The following GRK5 variants were observed in gnomAD, a reference collection of about 807,000 sequenced individuals.
The protein encoded by GRK5 is G protein-coupled receptor kinase 5.
A neutral mutation model predicts 78.4 loss-of-function variants in GRK5; 40 were observed. That is an observed-to-expected ratio of 0.51 (90% confidence interval 0.40 to 0.66). GRK5 has a LOEUF of 0.66. Ranked by LOEUF, GRK5 falls within the 30% of genes least tolerant of loss-of-function variation. The pLI, the probability that GRK5 is intolerant of heterozygous loss-of-function variation, is 0.00. For synonymous variants in GRK5, 289 were observed against 296.8 expected (o/e 0.97, Z 0.27); for missense variants, 598 against 759.9 (o/e 0.79, Z 2.50).
At chr10:119,416,345 G>A (rs757041859) in intron 4 of GRK5, among the ~76,000 whole-genome samples, 46 of 152,258 alleles carry the variant, frequency 3.0e-4, no homozygotes, top group Non-Finnish European at 4.3e-4. Context: ...TGATAACTCA[G>A]CCACTGATAG....
At chr10:119,318,105 A>G (rs1364130967) in intron 1 of GRK5, among the ~76,000 whole-genome samples, 1 of 151,930 alleles carries the variant, frequency 6.6e-6, no homozygotes, top group African/African-American at 2.4e-5. Flanking sequence ...CTTCCAACAA[A>G]TGCATGGAAC....
rs1261786344 is a variant in GRK5 at position 119,363,640 on chromosome 10, G to A, written c.149-17175G>A. Among the ~76,000 whole-genome samples the A allele has an allele frequency of 3.3e-5, 5 of 152,298 alleles. 1 individual carries two copies. The South Asian group carries it at 8.3e-4, about 25-fold the overall frequency. ...TTTCTGGCCTTACAATGTTGCCCTCGTTGACATGGGCCAAGATGGTGCCCA... is the reference window on the plus strand; with the variant it reads ...TTTCTGGCCTTACAATGTTGCCCTCATTGACATGGGCCAAGATGGTGCCCA... On this transcript the variant is annotated intron_variant, in intron 2 of 15. Coordinates refer to ENST00000392870, the MANE Select transcript of GRK5 (RefSeq NM_005308.3).
At chr10:119,296,336 T>A (rs906054570) in intron 1 of GRK5, among the ~76,000 whole-genome samples, 2 of 152,310 alleles carry the variant, frequency 1.3e-5, no homozygotes, top group African/African-American at 4.8e-5. Context: ...CCAGATCACA[T>A]AGCAAATGCC....
chr10:119,436,985 T>C, intron 9 of GRK5, 144 bp downstream of exon 9: 1 of 784,966 alleles, frequency 1.3e-6, no homozygotes, highest in East Asian at 2.9e-5. Flanking sequence ...AGACAGACTT[T>C]CCACTCCAGG....
intron 4 of GRK5, among the ~76,000 whole-genome samples, chr10:119,418,668 C>G (rs936728979): frequency 6.6e-5 from 10 of 152,212 alleles, no homozygotes; most frequent in Non-Finnish European, 1.5e-4. Flanking sequence ...GCGGGGACTT[C>G]AAGCAGAGAA....
intron 5 of GRK5, 144 bp from the exon 6 acceptor site, chr10:119,424,849 G>T: frequency 1.5e-6 from 1 of 651,846 alleles, no homozygotes; most frequent in Non-Finnish European, 2.8e-6. Flanking sequence ...TCAGTAGAAT[G>T]GCAGGACCTC....
intron 12 of GRK5, among the ~76,000 whole-genome samples, chr10:119,444,116 C>T (rs1853096219): frequency 6.6e-6 from 1 of 152,298 alleles, no homozygotes; most frequent in South Asian, 2.1e-4. Context: ...AGCCCCGGCC[C>T]CTGCCCGTGG....
At chr10:119,319,843 G>A (rs1400586223) in intron 1 of GRK5, among the ~76,000 whole-genome samples, 2 of 152,252 alleles carry the variant, frequency 1.3e-5, no homozygotes, top group African/African-American at 4.8e-5. Flanking sequence ...AATGTACAGT[G>A]CCCAGGTCAG....
chr10:119,407,800 G>A (rs929857076), intron 4 of GRK5, among the ~76,000 whole-genome samples: 2 of 152,050 alleles, frequency 1.3e-5, no homozygotes, highest in African/African-American at 4.8e-5. Context: ...AAGGCAGGAG[G>A]ATTACTTGAG....
intron 13 of GRK5, among the ~76,000 whole-genome samples, chr10:119,449,299 G>T (rs1853224349): frequency 6.6e-6 from 1 of 152,224 alleles, no homozygotes; most frequent in African/African-American, 2.4e-5. Flanking sequence ...GCCCTGAGTG[G>T]AGGCAGGTGG....
In GRK5 at chr10:119,271,295, G is replaced by A. The variant is rs1163417744; in HGVS notation, c.53-55221G>A. On this transcript the variant is annotated intron_variant, in intron 1 of 15. Coordinates refer to ENST00000392870, the MANE Select transcript of GRK5 (RefSeq NM_005308.3). This position sits in a 1 kb window ranked among gnomAD's most constrained non-coding sequence, Gnocchi z 4.1. ...TCTTTAGAGGCTCTCTCATCCCCTC[G>A]AGCTGCCAACACAATCAAGGGTCTG... Among the ~76,000 whole-genome samples, 1 of 152,102 alleles carries A rather than the reference G, an allele frequency of 6.6e-6. No individual in the cohort carries two copies. The highest frequency in any genetic ancestry group is 2.4e-5 in the African/African-American group (1 of 41,410).
chr10:119,312,939 A>ATGGTGATGGTGATGG (rs1850386100), intron 1 of GRK5, among the ~76,000 whole-genome samples: 5 of 106,042 alleles, frequency 4.7e-5, no homozygotes, highest in Admixed American at 2.0e-4. Flanking sequence ...GGTGGTAGTG[A>ATGGTGATGGTGATGG]TGGTGGTAAT....
At chr10:119,285,173 C>T (rs571309299) in intron 1 of GRK5, among the ~76,000 whole-genome samples, 47 of 152,158 alleles carry the variant, frequency 3.1e-4, no homozygotes, top group Non-Finnish European at 6.2e-4. Context: ...TCTCTAAGCG[C>T]ACCTCAGGCT....
intron 1 of GRK5, among the ~76,000 whole-genome samples, chr10:119,224,172 A>AAAAC (rs200105023): frequency 0.02 from 3,098 of 152,148 alleles, 72 homozygotes; most frequent in South Asian, 0.061. Flanking sequence ...TGTCTCTTAA[A>AAAAC]AAACAAACAA....
chr10:119,257,932 A>AT (rs1328094217), intron 1 of GRK5, among the ~76,000 whole-genome samples: 2 of 151,848 alleles, frequency 1.3e-5, no homozygotes, highest in Admixed American at 6.6e-5. Context: ...ATTCTCTTTT[A>AT]TTTTTTTCCC....
chr10:119,241,936 T>G lies in GRK5; in HGVS notation c.52+33967T>G, dbSNP rs562942538. Among the ~76,000 whole-genome samples the G allele has an allele frequency of 9.8e-5, 15 of 152,290 alleles. No individual in the cohort carries two copies. In the East Asian group the frequency reaches 2.3e-3, roughly 24 times the overall value. ...TTAGGCTAAAAAAGAAAAGGAGTTTTGGGCTTCTGGAGGGTAGGGAAGCCA... is the reference window on the plus strand; with the variant it reads ...TTAGGCTAAAAAAGAAAAGGAGTTTGGGGCTTCTGGAGGGTAGGGAAGCCA... On this transcript the variant is annotated intron_variant, in intron 1 of 15. Transcript: ENST00000392870.
At chr10:119,393,199 C>T (rs1851914975) in intron 3 of GRK5, among the ~76,000 whole-genome samples, 1 of 152,224 alleles carries the variant, frequency 6.6e-6, no homozygotes, top group Non-Finnish European at 1.5e-5. Flanking sequence ...TTTCCACCTC[C>T]CAACACAAAT....
At chr10:119,234,132 T>C (rs1451798659) in intron 1 of GRK5, among the ~76,000 whole-genome samples, 3 of 152,218 alleles carry the variant, frequency 2.0e-5, no homozygotes, top group Non-Finnish European at 4.4e-5. Flanking sequence ...CCTAATACAC[T>C]GCTTATGCAT....
Position 119,297,302 on chromosome 10 carries a change from G to C in GRK5, c.53-29214G>C, listed in dbSNP as rs532719548. Among the ~76,000 whole-genome samples, 29 of 152,330 alleles carry C rather than the reference G, an allele frequency of 1.9e-4. No homozygotes were observed. The South Asian group carries it at 5.8e-3, about 30-fold the overall frequency. On this transcript the variant is annotated intron_variant, in intron 1 of 15. Coordinates refer to ENST00000392870, the MANE Select transcript of GRK5 (RefSeq NM_005308.3). Reference sequence around the variant, plus strand: ...CAGGATCTGGCATTTAGAAAGTTTGGCGAATGTTAGTGCAGTTGTTCCCAT... The same window carrying C: ...CAGGATCTGGCATTTAGAAAGTTTGCCGAATGTTAGTGCAGTTGTTCCCAT...
Sources: allele counts gnomAD v4.1 joint callset (sites outside exome capture counted in the v4.1 genomes callset), GRCh38; gene constraint gnomAD v4.1.1; non-coding constraint Gnocchi (gnomAD v3.1); transcripts MANE v1.5; gene names NCBI Gene and HGNC (gene_info 2026-07-23, HGNC 2026-07-21).